ZMAT4: variants seen among roughly 807,000 people sequenced by gnomAD.
The protein encoded by ZMAT4 is zinc finger matrin-type 4.
ZMAT4 carries 17 observed loss-of-function variants against 28.7 expected under a neutral mutation model. The observed-to-expected ratio is 0.59, with a 90% CI of 0.41 to 0.89. The LOEUF (loss-of-function observed/expected upper bound fraction) is 0.89, where lower values mean the gene tolerates loss of function less well. Ranked by LOEUF, ZMAT4 falls within the 40% of genes least tolerant of loss-of-function variation. The pLI, the probability that ZMAT4 is intolerant of heterozygous loss-of-function variation, is 0.00. For synonymous variants in ZMAT4, 117 were observed against 109.2 expected (o/e 1.07, Z -0.44); for missense variants, 240 against 283.8 (o/e 0.85, Z 1.11).
chr8:40,571,396 C>G (rs1804093669), intron 6 of ZMAT4, among the ~76,000 whole-genome samples: 1 of 152,166 alleles, frequency 6.6e-6, no homozygotes, highest in East Asian at 1.9e-4. Flanking sequence ...CTGAAATTCT[C>G]TCTGAAAGCT....
chr8:40,670,654 C>T (rs145142170), intron 5 of ZMAT4, among the ~76,000 whole-genome samples: 28 of 152,290 alleles, frequency 1.8e-4, no homozygotes, highest in African/African-American at 5.5e-4. Context: ...ATCCATAATA[C>T]GTGAAAGCCT....
chr8:40,861,989 A>C (rs1346728723), intron 1 of ZMAT4, among the ~76,000 whole-genome samples: 1 of 152,202 alleles, frequency 6.6e-6, no homozygotes, highest in Non-Finnish European at 1.5e-5. Flanking sequence ...AAACTAGTTC[A>C]ACCATTGTGG....
At chr8:40,710,329 T>C (rs1810551157) in intron 3 of ZMAT4, among the ~76,000 whole-genome samples, 1 of 152,202 alleles carries the variant, frequency 6.6e-6, no homozygotes. Context: ...TCAATAATTA[T>C]GGGATATTCT....
intron 1 of ZMAT4, chr8:40,884,597 G>A (rs1344957102): frequency 6.6e-6 from 1 of 152,414 alleles, no homozygotes; most frequent in Non-Finnish European, 1.5e-5. Context: ...GCAATTTTCA[G>A]TCCTCATCTT....
chr8:40,862,981 A>T (rs79851350), intron 1 of ZMAT4, among the ~76,000 whole-genome samples: 1 of 150,596 alleles, frequency 6.6e-6, no homozygotes, highest in Non-Finnish European at 1.5e-5. Flanking sequence ...TAAAAAAAAA[A>T]GAAAGAAAGA....
intron 1 of ZMAT4, among the ~76,000 whole-genome samples, chr8:40,867,082 A>G (rs1044292834): frequency 4.6e-5 from 7 of 152,156 alleles, no homozygotes; most frequent in Non-Finnish European, 1.0e-4. Flanking sequence ...ATTGGAAGGC[A>G]ACATCGCCTC....
intron 3 of ZMAT4, among the ~76,000 whole-genome samples, chr8:40,716,281 C>T (rs939349062): frequency 1.3e-5 from 2 of 152,188 alleles, no homozygotes; most frequent in Non-Finnish European, 2.9e-5. Flanking sequence ...AGACCTGCTG[C>T]ATCAGAAATA....
chr8:40,862,584 T>TAA (rs398007582), intron 1 of ZMAT4, among the ~76,000 whole-genome samples: 13,950 of 109,794 alleles, frequency 0.13, 864 homozygotes, highest in Admixed American at 0.19. Context: ...AAAAAAAAAT[T>TAA]AAAAAAAAAA....
At chr8:40,835,367 C>T (rs1261188642) in intron 1 of ZMAT4, among the ~76,000 whole-genome samples, 1 of 152,146 alleles carries the variant, frequency 6.6e-6, no homozygotes, top group Non-Finnish European at 1.5e-5. Context: ...GCAGAAAAGC[C>T]ACTCACATTT....
chr8:40,754,503 A>G (rs984638145), intron 3 of ZMAT4, among the ~76,000 whole-genome samples: 2 of 152,244 alleles, frequency 1.3e-5, no homozygotes, highest in African/African-American at 4.8e-5. Flanking sequence ...TAGCTGAAGC[A>G]ATATGCCATA....
At chr8:40,716,794 T>G (rs1810876782) in intron 3 of ZMAT4, among the ~76,000 whole-genome samples, 1 of 152,232 alleles carries the variant, frequency 6.6e-6, no homozygotes, top group African/African-American at 2.4e-5. Context: ...CACGGAGGTT[T>G]CTAAAAGCAA....
At chr8:40,671,621 A>G (rs551043209) in intron 5 of ZMAT4, among the ~76,000 whole-genome samples, 1 of 152,206 alleles carries the variant, frequency 6.6e-6, no homozygotes, top group Admixed American at 6.5e-5. Flanking sequence ...AAGCAAAACT[A>G]ATCTATGATG....
rs529752774 is a variant in ZMAT4 at position 40,681,376 on chromosome 8, C to T, written c.350-6445G>A. Among the ~76,000 whole-genome samples, 332 of 152,292 alleles carry T rather than the reference C, an allele frequency of 2.2e-3. 2 individuals are homozygous for T. Among genetic ancestry groups the T allele is most frequent in the African/African-American group, 7.3e-3 (304 of 41,564 alleles). Reference sequence around the variant, plus strand: ...ATTTCCAGTCCCTATGATAAACTGCCTTTATTTTTTTCCTACCCTAAATCA... The same window carrying T: ...ATTTCCAGTCCCTATGATAAACTGCTTTTATTTTTTTCCTACCCTAAATCA... On this transcript the variant is annotated intron_variant, in intron 4 of 6. Coordinates refer to ENST00000297737, the MANE Select transcript of ZMAT4 (RefSeq NM_024645.3).
At chr8:40,740,450 T>A (rs1413438547) in intron 3 of ZMAT4, among the ~76,000 whole-genome samples, 2 of 152,250 alleles carry the variant, frequency 1.3e-5, no homozygotes, top group East Asian at 3.8e-4. Context: ...TCAAAATATG[T>A]AATGCTTGTG....
At chr8:40,535,526 G>A (rs989666878) in intron 6 of ZMAT4, among the ~76,000 whole-genome samples, 1 of 151,962 alleles carries the variant, frequency 6.6e-6, no homozygotes, top group African/African-American at 2.4e-5. Flanking sequence ...AAAATTAGCT[G>A]GGCATGGTGG....
intron 2 of ZMAT4, among the ~76,000 whole-genome samples, chr8:40,786,128 C>T (rs1814066702): frequency 6.6e-6 from 1 of 152,128 alleles, no homozygotes; most frequent in Non-Finnish European, 1.5e-5. Context: ...GCCTTAAACA[C>T]AACCATCTGT....
At chr8:40,722,432 A>G (rs974378766) in intron 3 of ZMAT4, among the ~76,000 whole-genome samples, 1 of 152,206 alleles carries the variant, frequency 6.6e-6, no homozygotes, top group African/African-American at 2.4e-5. Context: ...TTATAACCAG[A>G]TAAGTACTGT....
chr8:40,550,670 C>A (rs1308643164), intron 6 of ZMAT4, among the ~76,000 whole-genome samples: 1 of 152,052 alleles, frequency 6.6e-6, no homozygotes, highest in Non-Finnish European at 1.5e-5. Flanking sequence ...CTGGCATTTC[C>A]CCTGCTTGGG....
chr8:40,723,769 C>T (rs1340098886), intron 3 of ZMAT4, among the ~76,000 whole-genome samples: 2 of 152,016 alleles, frequency 1.3e-5, no homozygotes, highest in Non-Finnish European at 2.9e-5. Flanking sequence ...CCTTTGGTGA[C>T]TAATGAGGAG....
Sources: allele counts gnomAD v4.1 joint callset (sites outside exome capture counted in the v4.1 genomes callset), GRCh38; gene constraint gnomAD v4.1.1; transcripts MANE v1.5; gene names NCBI Gene and HGNC (gene_info 2026-07-23, HGNC 2026-07-21).